The following PLCL1 variants were observed in gnomAD, a reference collection of about 807,000 sequenced individuals.
PLCL1 encodes inactive phospholipase C-like protein 1.
A neutral mutation model predicts 84.4 loss-of-function variants in PLCL1; 41 were observed. That is an observed-to-expected ratio of 0.49 (90% CI 0.38 to 0.63). PLCL1 has a LOEUF of 0.63. Among genes scored for constraint, PLCL1 ranks in the 30% least tolerant of loss-of-function variants. The probability of loss-of-function intolerance (pLI) is 0.00; values close to 1 mark genes in which losing one functional copy is unlikely to be tolerated. For synonymous variants in PLCL1, 490 were observed against 488.3 expected, an observed-to-expected ratio of 1.00 and a Z score of -0.05; for missense variants, 1,206 against 1,367.8, an observed-to-expected ratio of 0.88 and a Z score of 1.87.
chr2:198,022,698 G>A (rs1041041040), intron 1 of PLCL1, among the ~76,000 whole-genome samples: 6 of 152,090 alleles, frequency 3.9e-5, no homozygotes, highest in South Asian at 4.1e-4. Flanking sequence ...CAAGGGATGC[G>A]AAGGACCTCT....
intron 5 of PLCL1, 85 bp downstream of exon 5, chr2:198,104,021 A>T: frequency 1.6e-6 from 1 of 617,212 alleles, no homozygotes; most frequent in Non-Finnish European, 2.7e-6. Context: ...AAAGGATTAA[A>T]TATGATGGTT....
rs1395769146 is a variant in PLCL1, at chr2:198,045,598, A to C, written c.241-38160A>C. On this transcript the variant is annotated intron_variant, in intron 1 of 5. Transcript: ENST00000428675. ...ATTGTTTTGCATTAATTTATATTTA[A>C]TATAAGCACTTGAGAGGTAACCAGG... Among the ~76,000 whole-genome samples, 5 of 152,242 alleles carry C rather than the reference A, an allele frequency of 3.3e-5. No individual in the cohort carries two copies. The East Asian group carries it at 9.6e-4, about 29-fold the overall frequency.
chr2:198,138,769 T>A (rs1405932097), intron 5 of PLCL1, among the ~76,000 whole-genome samples: 1 of 152,192 alleles, frequency 6.6e-6, no homozygotes, highest in Non-Finnish European at 1.5e-5. Context: ...TTTTTATTAT[T>A]GATAATCCAT....
chr2:197,955,555 C>G (rs1689469462), intron 1 of PLCL1, among the ~76,000 whole-genome samples: 2 of 151,004 alleles, frequency 1.3e-5, no homozygotes, highest in Non-Finnish European at 2.9e-5. Flanking sequence ...CATCCCCCAT[C>G]AGGCCCTGGT....
intron 1 of PLCL1, among the ~76,000 whole-genome samples, chr2:197,826,797 G>A (rs142970661): frequency 1.2e-4 from 19 of 152,272 alleles, no homozygotes; most frequent in Non-Finnish European, 1.5e-4. Context: ...CAAGCCAGGT[G>A]CTTAAAAATG....
rs184665018 is a variant in PLCL1 at position 198,003,056 on chromosome 2, G to A, written c.241-80702G>A. Among the ~76,000 whole-genome samples, 11 of 151,858 alleles carry A rather than the reference G, an allele frequency of 7.2e-5. No homozygotes were observed. The South Asian group carries it at 1.5e-3, about 20-fold the overall frequency. On this transcript the variant is annotated intron_variant, in intron 1 of 5. Coordinates refer to ENST00000428675, the MANE Select transcript of PLCL1 (RefSeq NM_006226.4). ...TAAGGAGTAGATGGATGTACTGTCC[G>A]CCCTTCTAGATTTAGAGGTTGTTAG... is the stretch of plus-strand genomic sequence containing the variant.
At chr2:198,133,805 A>G (rs751661896) in intron 5 of PLCL1, among the ~76,000 whole-genome samples, 1 of 152,142 alleles carries the variant, frequency 6.6e-6, no homozygotes, top group Non-Finnish European at 1.5e-5. Flanking sequence ...GCTATTTTCA[A>G]TGATGCTAGT....
At chr2:197,863,925 C>T (rs1258337495) in intron 1 of PLCL1, among the ~76,000 whole-genome samples, 2 of 152,072 alleles carry the variant, frequency 1.3e-5, no homozygotes, top group African/African-American at 4.8e-5. Context: ...GCCTATTTTT[C>T]CTTTAAGAAT....
intron 1 of PLCL1, among the ~76,000 whole-genome samples, chr2:197,965,366 C>T (rs1689706070): frequency 6.6e-6 from 1 of 151,932 alleles, no homozygotes; most frequent in Non-Finnish European, 1.5e-5. Flanking sequence ...TCATAGCAGC[C>T]TCTCATGGTC....
chr2:198,026,274 A>G lies in PLCL1; in HGVS notation c.241-57484A>G, dbSNP rs1477990564. On this transcript the variant is annotated intron_variant, in intron 1 of 5. Transcript: ENST00000428675. Reference sequence around the variant, plus strand: ...TTAGAGCTTTTAGTAACTAATATGCATATAACTTCTCAAGATAGGGATGTA... The same window carrying G: ...TTAGAGCTTTTAGTAACTAATATGCGTATAACTTCTCAAGATAGGGATGTA... 3.3e-5 allele frequency among the ~76,000 whole-genome samples: 5 copies of G among 152,340 alleles called. No individual in the cohort carries two copies. The South Asian group carries it at 8.3e-4, about 25-fold the overall frequency.
At chr2:198,043,579 C>T (rs966696310) in intron 1 of PLCL1, among the ~76,000 whole-genome samples, 1 of 152,094 alleles carries the variant, frequency 6.6e-6, no homozygotes, top group Non-Finnish European at 1.5e-5. Flanking sequence ...TAGCGGAGAA[C>T]CAGAAGCTGA....
At chr2:198,080,760 A>G (rs1692691405) in intron 1 of PLCL1, among the ~76,000 whole-genome samples, 1 of 152,222 alleles carries the variant, frequency 6.6e-6, no homozygotes, top group Non-Finnish European at 1.5e-5. Flanking sequence ...GGAGACTTGT[A>G]ATGACTTTGG....
At chr2:197,877,987 G>A (rs1687768370) in intron 1 of PLCL1, among the ~76,000 whole-genome samples, 1 of 152,104 alleles carries the variant, frequency 6.6e-6, no homozygotes, top group African/African-American at 2.4e-5. Context: ...CCTAGTGTGT[G>A]TTAGTTAGAG....
intron 1 of PLCL1, among the ~76,000 whole-genome samples, chr2:197,998,034 A>G (rs1182545531): frequency 6.6e-6 from 1 of 152,154 alleles, no homozygotes; most frequent in African/African-American, 2.4e-5. Flanking sequence ...CAAATGGAGG[A>G]GAAAGCATGA....
chr2:197,909,675 G>T (rs1574943898), intron 1 of PLCL1, among the ~76,000 whole-genome samples: 2 of 152,106 alleles, frequency 1.3e-5, no homozygotes, highest in East Asian at 3.9e-4. Flanking sequence ...GAGGGTATTT[G>T]GAATTTTGGA....
At chr2:198,095,383 A>G (rs1373018506) in intron 3 of PLCL1, among the ~76,000 whole-genome samples, 1 of 152,258 alleles carries the variant, frequency 6.6e-6, no homozygotes, top group African/African-American at 2.4e-5. Flanking sequence ...TTTTGCAAAT[A>G]AAAGTAATAT....
At chr2:197,839,340 A>C (rs1194365326) in intron 1 of PLCL1, among the ~76,000 whole-genome samples, 2 of 152,184 alleles carry the variant, frequency 1.3e-5, no homozygotes, top group Non-Finnish European at 2.9e-5. Context: ...GGTTGCATGG[A>C]AGACTATTTT....
chr2:198,087,493 A>C (rs1039574032), intron 2 of PLCL1, among the ~76,000 whole-genome samples: 1 of 152,188 alleles, frequency 6.6e-6, no homozygotes, highest in Non-Finnish European at 1.5e-5. Context: ...TGTGTTTATA[A>C]TAATCCTCAC....
chr2:197,958,244 G>A (rs1689530719), intron 1 of PLCL1, among the ~76,000 whole-genome samples: 1 of 150,276 alleles, frequency 6.7e-6, no homozygotes, highest in African/African-American at 2.5e-5. Context: ...TTTTGTACCA[G>A]GTCACCAAGT....
Sources: allele counts gnomAD v4.1 joint callset (sites outside exome capture counted in the v4.1 genomes callset), GRCh38; gene constraint gnomAD v4.1.1; transcripts MANE v1.5; gene names NCBI Gene and HGNC (gene_info 2026-07-23, HGNC 2026-07-21).